The following VPS13B variants were observed in gnomAD, a reference collection of about 807,000 sequenced individuals.
VPS13B encodes the protein vacuolar protein sorting 13 homolog B, also known as intermembrane lipid transfer protein VPS13B.
A neutral mutation model predicts 426.4 loss-of-function variants in VPS13B; 285 were observed. The ratio of observed to expected loss-of-function variants is 0.67; its 90% CI spans 0.61 to 0.74. VPS13B has a LOEUF of 0.74. Ranked by LOEUF, VPS13B falls within the 30% of genes least tolerant of loss-of-function variation. The pLI, the probability that VPS13B is intolerant of heterozygous loss-of-function variation, is 0.00. For synonymous variants in VPS13B, 1,676 were observed against 1,676.4 expected (o/e 1.00, Z 0.01); for missense variants, 4,537 against 4,782.6 (o/e 0.95, Z 1.51).
chr8:99,063,589 C>T (rs1465029186), intron 3 of VPS13B, among the ~76,000 whole-genome samples: 1 of 152,192 alleles, frequency 6.6e-6, no homozygotes, highest in Non-Finnish European at 1.5e-5. Flanking sequence ...TGGGTGGAGC[C>T]AACCACAGCT....
At chr8:99,747,041 G>C (rs1302697290) in intron 39 of VPS13B, among the ~76,000 whole-genome samples, 3 of 152,050 alleles carry the variant, frequency 2.0e-5, no homozygotes, top group African/African-American at 7.2e-5. Flanking sequence ...AACATCATTT[G>C]TTTTCAAGGT....
intron 19 of VPS13B, among the ~76,000 whole-genome samples, chr8:99,328,128 C>T (rs1810375860): frequency 6.6e-6 from 1 of 152,172 alleles, no homozygotes; most frequent in African/African-American, 2.4e-5. Context: ...ATTAGATTCT[C>T]CTAGGAGTGC....
chr8:99,108,491 A>G (rs182712565), intron 5 of VPS13B, among the ~76,000 whole-genome samples: 3 of 152,246 alleles, frequency 2.0e-5, no homozygotes, highest in South Asian at 2.1e-4. Context: ...GTTCTTCTGC[A>G]TATAGATATC....
intron 24 of VPS13B, 99 bp downstream of exon 24, chr8:99,467,733 T>G: frequency 7.9e-7 from 1 of 1,273,878 alleles, no homozygotes; most frequent in Non-Finnish European, 1.1e-6. Flanking sequence ...TTGAGTATCC[T>G]AAATTATTTT....
At chr8:99,447,357 C>A (rs1023803854) in intron 23 of VPS13B, among the ~76,000 whole-genome samples, 1 of 152,094 alleles carries the variant, frequency 6.6e-6, no homozygotes, top group Non-Finnish European at 1.5e-5. Flanking sequence ...TTTCTGGCAG[C>A]GTTTGTGAGA....
At chr8:99,711,010 A>T (rs988270592) in intron 36 of VPS13B, among the ~76,000 whole-genome samples, 1 of 152,144 alleles carries the variant, frequency 6.6e-6, no homozygotes, top group African/African-American at 2.4e-5. Context: ...CCTCTAAATA[A>T]ATAAATACTG....
In VPS13B at chr8:99,507,156, T is replaced by G. The variant is rs1821545261; in HGVS notation, c.4177T>G (p.Ser1393Ala). Reference sequence around the variant, plus strand: ...TTCCAGGCCAGGGGAAGGTTGGCAGTCAGGACATTTTGAAGGAGTATTTCT... The same window carrying G: ...TTCCAGGCCAGGGGAAGGTTGGCAGGCAGGACATTTTGAAGGAGTATTTCT... ...YRSRPGEGWQ[S>A]GHFEGVFLQC... Residue 1393 changes from serine (S) to alanine (A), a missense_variant, in exon 28 of 62, where the codon TCA becomes GCA. Coordinates refer to ENST00000357162, the MANE Select transcript of VPS13B (RefSeq NM_152564.5). 6.2e-7 allele frequency: 1 copy of G among 1,613,988 alleles called. No homozygotes were observed. Among genetic ancestry groups the G allele is most frequent in the South Asian group, 1.1e-5 (1 of 91,076 alleles).
chr8:99,630,682 GA>G (rs60440081), intron 33 of VPS13B, among the ~76,000 whole-genome samples: 3 of 150,882 alleles, frequency 2.0e-5, no homozygotes, highest in South Asian at 2.1e-4. Flanking sequence ...TAATGTAGGG[GA>G]AAAAAAACCC....
intron 19 of VPS13B, among the ~76,000 whole-genome samples, chr8:99,376,169 C>T (rs942972249): frequency 6.6e-6 from 1 of 152,092 alleles, no homozygotes; most frequent in African/African-American, 2.4e-5. Context: ...GTCTCCCAGG[C>T]TAAAATTAAA....
At chr8:99,821,945 G>A (rs1814392930) in intron 50 of VPS13B, among the ~76,000 whole-genome samples, 1 of 152,156 alleles carries the variant, frequency 6.6e-6, no homozygotes, top group Non-Finnish European at 1.5e-5. Flanking sequence ...TAGAACCACT[G>A]TTATATGAGG....
At chr8:99,396,340 A>G (rs1000631742) in intron 21 of VPS13B, among the ~76,000 whole-genome samples, 1 of 152,216 alleles carries the variant, frequency 6.6e-6, no homozygotes, top group South Asian at 2.1e-4. Flanking sequence ...CAACTTATCC[A>G]AAGTTAAAAA....
intron 56 of VPS13B, among the ~76,000 whole-genome samples, chr8:99,858,156 G>A (rs1333529448): frequency 6.6e-6 from 1 of 152,200 alleles, no homozygotes; most frequent in African/African-American, 2.4e-5. Context: ...CCATTACCGG[G>A]CTCTGAGCAC....
chr8:99,844,363 C>CT (rs71572047), intron 54 of VPS13B, among the ~76,000 whole-genome samples: 20,736 of 130,988 alleles, frequency 0.16, 1,796 homozygotes, highest in African/African-American at 0.19. Flanking sequence ...CTTTCTCAGG[C>CT]TTTTTTTTTT....
At chr8:99,521,690 A>G (rs1227923463) in intron 30 of VPS13B, among the ~76,000 whole-genome samples, 1 of 152,210 alleles carries the variant, frequency 6.6e-6, no homozygotes, top group Non-Finnish European at 1.5e-5. Context: ...AATACAGATG[A>G]ACAAGTGATT....
chr8:99,746,461 T>C (rs1411549098), intron 39 of VPS13B, among the ~76,000 whole-genome samples: 2 of 152,172 alleles, frequency 1.3e-5, no homozygotes, highest in Non-Finnish European at 2.9e-5. Flanking sequence ...TTTAGTCATT[T>C]AAATTCCTCC....
intron 31 of VPS13B, among the ~76,000 whole-genome samples, chr8:99,567,441 T>C (rs759414020): frequency 3.3e-5 from 5 of 151,722 alleles, no homozygotes; most frequent in African/African-American, 7.2e-5. Flanking sequence ...TTAACCTTTG[T>C]TTTGTTCTTT....
chr8:99,093,729 A>G (rs1452247372), intron 3 of VPS13B, among the ~76,000 whole-genome samples: 1 of 152,072 alleles, frequency 6.6e-6, no homozygotes, highest in African/African-American at 2.4e-5. Context: ...TTATGGCTGC[A>G]TAGTATTCCA....
intron 3 of VPS13B, among the ~76,000 whole-genome samples, chr8:99,069,630 T>G (rs989316283): frequency 2.6e-5 from 4 of 152,234 alleles, no homozygotes; most frequent in Non-Finnish European, 5.9e-5. Flanking sequence ...AGTAGGTTGA[T>G]CTGAGAATGA....
In VPS13B at chr8:99,819,935, G is replaced by A. The variant is rs372334983; in HGVS notation, c.8807G>A (p.Ser2936Asn). Residue 2936 changes from serine (S) to asparagine (N), a missense_variant, in exon 49 of 62, where the codon AGT (serine) becomes AAT (asparagine). By Grantham distance (46) the Ser-to-Asn change is conservative. Coordinates refer to ENST00000357162, the MANE Select transcript of VPS13B (RefSeq NM_152564.5). ...KKDSDRNEQL[S>N]QWDSPMRVKL... ...TTTTGGAACAGGAATGAACAGCTAA[G>A]TCAGTGGGATAGCCCAATGCGAGTG... is the stretch of plus-strand genomic sequence containing the variant. The A allele has an allele frequency of 1.2e-6, 2 of 1,613,842 alleles. No homozygotes were observed. Among genetic ancestry groups the A allele is most frequent in the African/African-American group, 2.7e-5 (2 of 74,912 alleles).
Sources: allele counts gnomAD v4.1 joint callset (sites outside exome capture counted in the v4.1 genomes callset), GRCh38; gene constraint gnomAD v4.1.1; transcripts MANE v1.5; gene names NCBI Gene and HGNC (gene_info 2026-07-23, HGNC 2026-07-21).